Variants in GPR39 observed in about 807,000 individuals in gnomAD.
GPR39 encodes the protein zinc sensing receptor.
A neutral mutation model predicts 18.4 loss-of-function variants in GPR39; 23 were observed. The observed-to-expected ratio is 1.25, with a 90% confidence interval of 0.90 to 1.77. The LOEUF is 1.77. Among genes scored for constraint, GPR39 ranks in the 40% most tolerant of loss-of-function variants. The pLI, the probability that GPR39 is intolerant of heterozygous loss-of-function variation, is 0.00. For synonymous variants in GPR39, 280 were observed against 257.9 expected (o/e 1.09, Z -0.82); for missense variants, 647 against 602.4 (o/e 1.07, Z -0.78).
intron 1 of GPR39, among the ~76,000 whole-genome samples, chr2:132,502,146 T>G (rs932868645): frequency 2.0e-5 from 3 of 152,166 alleles, no homozygotes; most frequent in African/African-American, 7.2e-5. Flanking sequence ...ACCTTATTTT[T>G]TCATTGTGTT....
intron 1 of GPR39, among the ~76,000 whole-genome samples, chr2:132,602,475 G>A (rs1558855018): frequency 6.6e-6 from 1 of 152,098 alleles, no homozygotes; most frequent in African/African-American, 2.4e-5. Context: ...CAGGATGTTG[G>A]TCTAGGCAAA....
intron 1 of GPR39, among the ~76,000 whole-genome samples, chr2:132,631,477 C>G (rs536369315): frequency 1.3e-5 from 2 of 152,310 alleles, no homozygotes; most frequent in South Asian, 2.1e-4. Flanking sequence ...ATCTTAGAAG[C>G]CTGATACCAT....
At chr2:132,616,433 G>A (rs1309851541) in intron 1 of GPR39, among the ~76,000 whole-genome samples, 2 of 152,190 alleles carry the variant, frequency 1.3e-5, no homozygotes, top group Non-Finnish European at 2.9e-5. Flanking sequence ...ATTTGAGTGT[G>A]GAGGAAGGCA....
At chr2:132,511,918 G>T (rs1349505511) in intron 1 of GPR39, among the ~76,000 whole-genome samples, 1 of 152,254 alleles carries the variant, frequency 6.6e-6, no homozygotes, top group Non-Finnish European at 1.5e-5. Context: ...TGCTACGTGC[G>T]TATCGAAAAG....
intron 1 of GPR39, among the ~76,000 whole-genome samples, chr2:132,549,424 G>C (rs1394632478): frequency 1.3e-5 from 2 of 152,136 alleles, no homozygotes; most frequent in South Asian, 4.2e-4. Context: ...TGTTTAACAC[G>C]ACTGAAAAGG....
In GPR39 at chr2:132,608,827, A is replaced by G. The variant is rs541144811; in HGVS notation, c.857-36274A>G. Reference sequence around the variant, plus strand: ...GGGGTGCGGGAGCAGGGCGGGCAGAATCAATGAGCACTTGAGATGGCATTT... The same window carrying G: ...GGGGTGCGGGAGCAGGGCGGGCAGAGTCAATGAGCACTTGAGATGGCATTT... On this transcript the variant is annotated intron_variant, in intron 1 of 1. Transcript: ENST00000329321. Among the ~76,000 whole-genome samples, 178 of 152,306 alleles carry G rather than the reference A, an allele frequency of 1.2e-3. 2 individuals carry two copies. The South Asian group carries it at 0.02, about 17-fold the overall frequency.
intron 1 of GPR39, among the ~76,000 whole-genome samples, chr2:132,593,662 C>G (rs1028503572): frequency 5.9e-5 from 9 of 152,042 alleles, no homozygotes; most frequent in African/African-American, 1.9e-4. Flanking sequence ...CTTGGGGAGC[C>G]TGGGAGTGTA....
chr2:132,544,371 G>A (rs3115028), intron 1 of GPR39, among the ~76,000 whole-genome samples: 61,838 of 151,982 alleles, frequency 0.41, 13,819 homozygotes, highest in African/African-American at 0.6. Flanking sequence ...CTTCAAATGT[G>A]GTGTGGTCCA....
At chr2:132,465,083 A>G (rs1323106820) in intron 1 of GPR39, among the ~76,000 whole-genome samples, 1 of 152,224 alleles carries the variant, frequency 6.6e-6, no homozygotes, top group Non-Finnish European at 1.5e-5. Context: ...AATTCATTTA[A>G]TTAGTAGCAA....
At chr2:132,465,604 C>T (rs1380370202) in intron 1 of GPR39, among the ~76,000 whole-genome samples, 1 of 152,198 alleles carries the variant, frequency 6.6e-6, no homozygotes, top group Non-Finnish European at 1.5e-5. Context: ...ATACACATCT[C>T]CCTTGGCAGG....
chr2:132,501,628 T>C (rs1276983001), intron 1 of GPR39, among the ~76,000 whole-genome samples: 1 of 152,180 alleles, frequency 6.6e-6, no homozygotes, highest in African/African-American at 2.4e-5. Flanking sequence ...GTCCATTGTT[T>C]AAGTCCATTG....
At chr2:132,493,785 G>A (rs891227396) in intron 1 of GPR39, among the ~76,000 whole-genome samples, 6 of 151,944 alleles carry the variant, frequency 3.9e-5, no homozygotes, top group Non-Finnish European at 7.4e-5. Flanking sequence ...GTTTTTAACA[G>A]AGCACCACAG....
chr2:132,492,784 TATATATACC>T (rs149394746), intron 1 of GPR39, among the ~76,000 whole-genome samples: 121,401 of 132,218 alleles, frequency 0.92, 56,462 homozygotes, highest in East Asian at 1. Flanking sequence ...ATATATACCA[TATATATACC>T]ATATATACCA....
intron 1 of GPR39, among the ~76,000 whole-genome samples, chr2:132,458,544 A>AT (rs533087474): frequency 3.4e-5 from 5 of 147,766 alleles, no homozygotes; most frequent in East Asian, 2.0e-4. Context: ...ATTTAGTCAC[A>AT]TTTTTTGTAT....
intron 1 of GPR39, among the ~76,000 whole-genome samples, chr2:132,469,924 A>G (rs750744669): frequency 3.3e-5 from 5 of 152,216 alleles, no homozygotes; most frequent in Non-Finnish European, 7.3e-5. Context: ...CTGTTACGGC[A>G]AAGTTGCCCA....
chr2:132,536,393 A>G (rs916198664), intron 1 of GPR39, among the ~76,000 whole-genome samples: 26 of 152,166 alleles, frequency 1.7e-4, no homozygotes, highest in African/African-American at 6.0e-4. Flanking sequence ...TGAGTTTCTT[A>G]ATCCTGATTT....
chr2:132,621,089 T>C (rs1440801324), intron 1 of GPR39, among the ~76,000 whole-genome samples: 1 of 152,034 alleles, frequency 6.6e-6, no homozygotes, highest in Non-Finnish European at 1.5e-5. Flanking sequence ...CCCAGAGAAA[T>C]CGGGAAAGAC....
At chr2:132,436,147 G>T (rs1680315293) in intron 1 of GPR39, among the ~76,000 whole-genome samples, 2 of 126,282 alleles carry the variant, frequency 1.6e-5, no homozygotes, top group Admixed American at 7.6e-5. Context: ...GAAGTTACTG[G>T]AAGAGCAAGA....
intron 1 of GPR39, among the ~76,000 whole-genome samples, chr2:132,607,579 A>G (rs893629257): frequency 6.6e-5 from 10 of 152,174 alleles, no homozygotes; most frequent in African/African-American, 2.2e-4. Flanking sequence ...GTTATCTTTG[A>G]CGTCTGACAC....
Sources: allele counts gnomAD v4.1 joint callset (sites outside exome capture counted in the v4.1 genomes callset), GRCh38; gene constraint gnomAD v4.1.1; transcripts MANE v1.5; gene names NCBI Gene and HGNC (gene_info 2026-07-23, HGNC 2026-07-21).